KCP: variants seen among roughly 807,000 people sequenced by gnomAD.
The protein encoded by KCP is kielin cysteine rich BMP regulator.
KCP carries 194 observed loss-of-function variants against 212.7 expected under a neutral mutation model. The observed-to-expected ratio is 0.91, with a 90% CI of 0.81 to 1.03. The LOEUF is 1.03. Among genes scored for constraint, KCP ranks in the 50% least tolerant of loss-of-function variants. KCP has a pLI of 0.00. For synonymous variants in KCP, 833 were observed against 865.3 expected (o/e 0.96, Z 0.65); for missense variants, 2,080 against 2,162.5 (o/e 0.96, Z 0.76).
intron 13 of KCP, 92 bp from the exon 14 acceptor site, chr7:128,893,113 C>G: frequency 1.8e-6 from 2 of 1,088,748 alleles, no homozygotes; most frequent in Non-Finnish European, 1.4e-6. Flanking sequence ...TCGCCATCCC[C>G]GCTGACACTG....
chr7:128,904,729 C>T (rs978290872), intron 5 of KCP, among the ~76,000 whole-genome samples: 42 of 152,336 alleles, frequency 2.8e-4, no homozygotes, highest in African/African-American at 1.0e-3. Context: ...CAGGCCCAGA[C>T]CCCCAAGTAA....
chr7:128,891,864 A>G, intron 16 of KCP, 45 bp from the exon 17 acceptor site: 3 of 1,364,980 alleles, frequency 2.2e-6, no homozygotes, highest in South Asian at 1.6e-5. Context: ...AAAGCCTGAC[A>G]GTCCCTCCAG....
chr7:128,894,646 G>A (rs953183315), intron 8 of KCP, among the ~76,000 whole-genome samples: 1 of 152,044 alleles, frequency 6.6e-6, no homozygotes. Flanking sequence ...TGCTCTTGTT[G>A]CCCAGGCTGG....
At chr7:128,891,601 C>T in intron 17 of KCP, 45 bp downstream of exon 17, 1 of 1,509,916 alleles carries the variant, frequency 6.6e-7, no homozygotes, top group Non-Finnish European at 8.9e-7. Context: ...TTCCGGGGGC[C>T]ATGCCATCCC....
In KCP at chr7:128,886,572, G is replaced by A; in HGVS notation, c.2773-15C>T. On this transcript the variant is annotated splice_polypyrimidine_tract_variant and intron_variant, in intron 25 of 39. Transcript: ENST00000610776. ...ACCTGGCCAGCCTGTAGGAGATGCA[G>A]GGACACTGGCTCGCTGCCTAGGCTG... is the stretch of plus-strand genomic sequence containing the variant. 1.3e-6 allele frequency: 2 copies of A among 1,551,130 alleles called. No homozygotes were observed. The highest frequency in any genetic ancestry group is 1.7e-6 in the Non-Finnish European group (2 of 1,146,654).
chr7:128,884,225 C>CAGA, intron 28 of KCP, 103 bp from the exon 29 acceptor site: 1 of 1,400,776 alleles, frequency 7.1e-7, no homozygotes, highest in Admixed American at 2.8e-5. Flanking sequence ...CAGCCTCTTC[C>CAGA]GGGACATGTC....
chr7:128,885,751 A>G (rs1340668073), intron 26 of KCP, among the ~76,000 whole-genome samples: 1 of 152,030 alleles, frequency 6.6e-6, no homozygotes, highest in Non-Finnish European at 1.5e-5. Flanking sequence ...ACACCACCAC[A>G]CTGCGCAGGG....
chr7:128,903,942 G>T, intron 6 of KCP, 114 bp downstream of exon 6: 3 of 1,348,412 alleles, frequency 2.2e-6, no homozygotes, highest in Non-Finnish European at 3.1e-6. Context: ...AACCTAGCTG[G>T]CTCCACCTCT....
chr7:128,881,554 C>T, intron 31 of KCP, 72 bp downstream of exon 31: 1 of 1,118,586 alleles, frequency 8.9e-7, no homozygotes, highest in Non-Finnish European at 1.2e-6. Flanking sequence ...CCGCTTGGCC[C>T]ATGAATGCCT....
At position 128,888,854 on chromosome 7, in the gene KCP, T is replaced by C; in HGVS notation, c.2512+9A>G. 2 of 1,546,990 alleles carry C rather than the reference T, an allele frequency of 1.3e-6. No homozygotes were observed. The highest frequency in any genetic ancestry group is 1.7e-6 in the Non-Finnish European group (2 of 1,145,962). On this transcript the variant is annotated intron_variant, in intron 22 of 39. Coordinates refer to ENST00000610776, the MANE Select transcript of KCP (RefSeq NM_001366122.1). ...AGCAGGGGGAATGGAAGGGCAGGTG[T>C]GGCTCTACCCTGGCAGGTCGGGCAG...
chr7:128,895,843 A>G (rs1313844099), intron 8 of KCP, among the ~76,000 whole-genome samples: 1 of 151,942 alleles, frequency 6.6e-6, no homozygotes, highest in Non-Finnish European at 1.5e-5. Flanking sequence ...TGAATAATCC[A>G]CCCCTTGTTT....
chr7:128,886,362 G>A, intron 26 of KCP, 102 bp downstream of exon 26: 1 of 961,970 alleles, frequency 1.0e-6, no homozygotes, highest in Non-Finnish European at 1.5e-6. Context: ...TGTTGGGGCA[G>A]GGAGGTGGGA....
In KCP at chr7:128,879,807, G is replaced by C. The variant is rs775211620; in HGVS notation, c.3955C>G (p.Arg1319Gly). The C allele has an allele frequency of 6.4e-7, 1 of 1,550,834 alleles. No individual in the cohort carries two copies. Among genetic ancestry groups the C allele is most frequent in the East Asian group, 2.4e-5 (1 of 40,908 alleles). ...GTCCAGGCCACACCGCTCCGGCCCC[G>C]GTCATCATTGGTCACGTGCACACTG... is the stretch of plus-strand genomic sequence containing the variant. ...DFSVHVTNDD[R>G]GRSGVAWTQE... The change falls in exon 36 of 40, where the codon CGG becomes GGG. Residue 1319 changes from arginine (R) to glycine (G), a missense_variant. By Grantham distance (125) the Arg-to-Gly change is moderately radical. Coordinates refer to ENST00000610776, the MANE Select transcript of KCP (RefSeq NM_001366122.1).
At chr7:128,898,010 A>G (rs2128949025) in intron 8 of KCP, among the ~76,000 whole-genome samples, 1 of 152,294 alleles carries the variant, frequency 6.6e-6, no homozygotes, top group Admixed American at 6.5e-5. Flanking sequence ...TACAATTTAA[A>G]GGTTGTTAGG....
Position 128,891,711 on chromosome 7 carries a change from C to A in KCP, c.1730G>T (p.Arg577Leu). 6.9e-7 allele frequency: 1 copy of A among 1,448,244 alleles called. No individual in the cohort carries two copies. The highest frequency in any genetic ancestry group is 9.1e-7 in the Non-Finnish European group (1 of 1,098,812). 89.7% of individuals were successfully genotyped at this position (1,448,244 alleles called of 1,614,324 possible). The change falls in exon 17 of 40, where the codon CGC becomes CTC. Residue 577 changes from arginine to leucine, a missense_variant. By Grantham distance (102) the Arg-to-Leu change is moderately radical. Coordinates refer to ENST00000610776, the MANE Select transcript of KCP (RefSeq NM_001366122.1). ...GGCACAGGGGGCCCTGGGGCAGGGG[C>A]GAGGCTGGCAGTGGGCATGGCCTTC... Reference protein sequence around the residue: ...CQEGHAHCQPRPCPRAPCAHP... With the variant: ...CQEGHAHCQPLPCPRAPCAHP...
At chr7:128,908,741 G>A (rs1365364367) in intron 1 of KCP, among the ~76,000 whole-genome samples, 173 bp from the exon 2 acceptor site, 1 of 152,228 alleles carries the variant, frequency 6.6e-6, no homozygotes, top group African/African-American at 2.4e-5. Flanking sequence ...TGAAACGCAG[G>A]GGAAGGCCAC....
chr7:128,889,517 CT>C (rs1793953497), intron 21 of KCP, among the ~76,000 whole-genome samples: 1 of 152,150 alleles, frequency 6.6e-6, no homozygotes, highest in Admixed American at 6.5e-5. Flanking sequence ...GCTCACCTCC[CT>C]TTTTAAAAAA....
chr7:128,894,372 C>G, intron 8 of KCP, 79 bp from the exon 9 acceptor site: 1 of 1,144,172 alleles, frequency 8.7e-7, no homozygotes, highest in South Asian at 1.6e-5. Flanking sequence ...TCCCAGCTAT[C>G]CACTTATTAG....
At chr7:128,899,101 G>A (rs1196636371) in intron 8 of KCP, among the ~76,000 whole-genome samples, 1 of 152,218 alleles carries the variant, frequency 6.6e-6, no homozygotes, top group Non-Finnish European at 1.5e-5. Flanking sequence ...TGTCAAATAT[G>A]AAATGGTATT....
Sources: gnomAD v4.1 joint callset for allele counts (sites outside exome capture counted in the v4.1 genomes callset) on GRCh38, gnomAD v4.1.1 for gene constraint, MANE v1.5 for transcripts, NCBI Gene and HGNC (gene_info 2026-07-23, HGNC 2026-07-21) for gene names.